The following CNOT2 variants were observed in gnomAD, a reference collection of about 807,000 sequenced individuals.
CNOT2 encodes the protein CC chemokine receptor 4-negative regulator of transcription 2.
CNOT2 carries 7 observed loss-of-function variants against 72.1 expected under a neutral mutation model. That is an observed-to-expected ratio of 0.10 (90% CI 0.06 to 0.18). The LOEUF is 0.18. Ranked by LOEUF, CNOT2 falls within the 10% of genes least tolerant of loss-of-function variation. The pLI, the probability that CNOT2 is intolerant of heterozygous loss-of-function variation, is 1.00. For missense variants in CNOT2, 345 were observed against 660.3 expected, an observed-to-expected ratio of 0.52 and a Z score of 5.23; for synonymous variants, 196 against 225.6, an observed-to-expected ratio of 0.87 and a Z score of 1.17.
rs748286279 is a variant in CNOT2, at chr12:70,353,798, GA to G, written c.1537-30del. The G allele has an allele frequency of 4.5e-6, 7 of 1,572,696 alleles. No individual in the cohort carries two copies. In the Admixed American group the frequency reaches 5.7e-5, roughly 13 times the overall value. ...GACAAATGTAAAATGAAAAGGGGAA[GA>G]TATCTAAATTCTTGAATTTGTTTTT... On this transcript the variant is annotated intron_variant, in intron 15 of 15. Coordinates refer to ENST00000229195, the MANE Select transcript of CNOT2 (RefSeq NM_014515.7).
chr12:70,331,213 T>A (rs928728241), intron 6 of CNOT2: 2 of 151,974 alleles, frequency 1.3e-5, no homozygotes, highest in Non-Finnish European at 2.9e-5. Context: ...GTTGTTATCA[T>A]CATACCTGTT....
chr12:70,283,878 A>G (rs565834139), intron 2 of CNOT2, among the ~76,000 whole-genome samples: 1 of 151,162 alleles, frequency 6.6e-6, no homozygotes, highest in Non-Finnish European at 1.5e-5. Flanking sequence ...AGCTCTGTTC[A>G]TGTCATGATC....
At chr12:70,259,039 T>G (rs11178161) in intron 1 of CNOT2, among the ~76,000 whole-genome samples, 6,102 of 152,318 alleles carry the variant, frequency 0.04, 282 homozygotes, top group East Asian at 0.23. Context: ...TTGTATATAC[T>G]CTTCACAGTT....
intron 2 of CNOT2, among the ~76,000 whole-genome samples, chr12:70,294,593 A>G (rs1300762366): frequency 6.6e-6 from 1 of 152,146 alleles, no homozygotes; most frequent in Non-Finnish European, 1.5e-5. Flanking sequence ...TAGCAGGTCC[A>G]GAAAACCCAT....
rs565460226 is a variant in CNOT2 at position 70,335,357 on chromosome 12, G to A, written c.650-81G>A. ...TTTAGGAAGAAGGCGCAATCATTTC[G>A]AATTATATTATGGTTGGTTTTTATA... On this transcript the variant is annotated intron_variant, in intron 7 of 15. Coordinates refer to ENST00000229195, the MANE Select transcript of CNOT2 (RefSeq NM_014515.7). 164 of 1,067,098 alleles carry A rather than the reference G, an allele frequency of 1.5e-4. No homozygotes were observed. In the East Asian group the frequency reaches 2.3e-3, roughly 15 times the overall value. 66.1% of individuals were successfully genotyped at this position (1,067,098 alleles called of 1,614,324 possible).
chr12:70,267,897 C>CT (rs1456927143), intron 1 of CNOT2, among the ~76,000 whole-genome samples: 1 of 152,236 alleles, frequency 6.6e-6, no homozygotes, highest in African/African-American at 2.4e-5. Flanking sequence ...TCTCTGGCTG[C>CT]TTTTGCACTA....
chr12:70,332,631 C>G (rs1880125494), intron 6 of CNOT2, 136 bp from the exon 7 acceptor site: 6 of 1,202,808 alleles, frequency 5.0e-6, no homozygotes, highest in African/African-American at 4.7e-5. Context: ...AGAATAGATT[C>G]AGAAAAATAA....
chr12:70,292,419 A>G (rs1310911310), intron 2 of CNOT2, among the ~76,000 whole-genome samples: 1 of 152,236 alleles, frequency 6.6e-6, no homozygotes, highest in Admixed American at 6.5e-5. Context: ...AAGTGTTGTA[A>G]TTTTAAATAC....
chr12:70,335,483 C>T lies in CNOT2; in HGVS notation c.695C>T (p.Ala232Val). The T allele has an allele frequency of 6.2e-7, 1 of 1,605,948 alleles. No individual in the cohort carries two copies. The highest frequency in any genetic ancestry group is 8.5e-7 in the Non-Finnish European group (1 of 1,172,880). ...VTGLDLSDFP[A>V]LADRNRREGS... ...GGATTGGACCTTTCAGATTTCCCAG[C>T]ATTAGCAGACCGAAACAGGAGGGAA... The change falls in exon 8 of 16, where the codon GCA (alanine) becomes GTA (valine). Residue 232 changes from alanine (A) to valine (V), a missense_variant. Ala to Val is a moderately conservative substitution (Grantham distance 64). Coordinates refer to ENST00000229195, the MANE Select transcript of CNOT2 (RefSeq NM_014515.7).
chr12:70,319,921 A>T (rs1292108563), intron 4 of CNOT2, among the ~76,000 whole-genome samples: 2 of 151,658 alleles, frequency 1.3e-5, no homozygotes, highest in Non-Finnish European at 1.5e-5. Flanking sequence ...CTATTTTTTT[A>T]AAGTGTTGTA....
intron 2 of CNOT2, among the ~76,000 whole-genome samples, chr12:70,302,654 A>G (rs1337538986): frequency 2.0e-5 from 3 of 152,114 alleles, no homozygotes; most frequent in African/African-American, 7.2e-5. Flanking sequence ...TCAACTTTGG[A>G]ATAGGTGTGG....
intron 15 of CNOT2, among the ~76,000 whole-genome samples, chr12:70,349,465 G>A (rs1002039054): frequency 2.0e-5 from 3 of 152,184 alleles, no homozygotes; most frequent in Middle Eastern, 6.8e-3. Flanking sequence ...GAAAGGTACT[G>A]AACTGGTCTA....
chr12:70,252,704 T>C, intron 1 of CNOT2, among the ~76,000 whole-genome samples: 1 of 152,174 alleles, frequency 6.6e-6, no homozygotes. Flanking sequence ...TTGTACTGTT[T>C]TCAATTGGCT....
At chr12:70,337,629 A>G in intron 9 of CNOT2, 116 bp downstream of exon 9, 1 of 1,020,280 alleles carries the variant, frequency 9.8e-7, no homozygotes, top group South Asian at 1.4e-5. Context: ...GATATCTGTA[A>G]TAACCTAACT....
At chr12:70,255,990 ACT>A (rs1170415241) in intron 1 of CNOT2, among the ~76,000 whole-genome samples, 1 of 152,136 alleles carries the variant, frequency 6.6e-6, no homozygotes, top group Non-Finnish European at 1.5e-5. Flanking sequence ...TACTCAGTTA[ACT>A]CTGTTATGTT....
chr12:70,265,889 G>A (rs1054792350), intron 1 of CNOT2, among the ~76,000 whole-genome samples: 1 of 151,670 alleles, frequency 6.6e-6, no homozygotes, highest in African/African-American at 2.4e-5. Context: ...GGATTACTTA[G>A]ATATGCACAG....
At chr12:70,277,100 A>T (rs1868958275) in intron 1 of CNOT2, among the ~76,000 whole-genome samples, 1 of 152,066 alleles carries the variant, frequency 6.6e-6, no homozygotes, top group African/African-American at 2.4e-5. Context: ...TCCTCACAAA[A>T]TGTTTGTTGA....
rs746193705 is a variant in CNOT2, at chr12:70,319,248, A to G, written c.172-50A>G. 9.3e-6 allele frequency: 14 copies of G among 1,507,658 alleles called. No individual in the cohort carries two copies. The South Asian group carries it at 1.3e-4, about 14-fold the overall frequency. The allele number at this position is 1,507,658 out of a possible 1,614,324, so 93.4% of individuals were successfully genotyped here. On this transcript the variant is annotated intron_variant, in intron 3 of 15. Transcript: ENST00000229195. The stretch of plus-strand genomic sequence containing the variant: ...TACAGATTTGTGGAGTGTAAATGCA[A>G]TGCTCTGCTCTGTTTTCTTTATGCT...
chr12:70,252,359 G>C (rs1193632442), intron 1 of CNOT2, among the ~76,000 whole-genome samples: 2 of 151,904 alleles, frequency 1.3e-5, no homozygotes, highest in African/African-American at 4.8e-5. Context: ...GCAAATTTTT[G>C]TATCTTTTGT....
Sources: allele counts gnomAD v4.1 joint callset (sites outside exome capture counted in the v4.1 genomes callset), GRCh38; gene constraint gnomAD v4.1.1; transcripts MANE v1.5; gene names NCBI Gene and HGNC (gene_info 2026-07-23, HGNC 2026-07-21).